Variants in TEX9 observed in about 807,000 individuals in gnomAD.
The protein encoded by TEX9 is testis expressed 9.
TEX9 carries 74 observed loss-of-function variants against 59.6 expected under a neutral mutation model. The ratio of observed to expected loss-of-function variants is 1.24; its 90% confidence interval spans 1.03 to 1.51. The LOEUF (loss-of-function observed/expected upper bound fraction) is 1.51. TEX9 is among the 40% of genes most tolerant of loss of function. The probability of loss-of-function intolerance (pLI) is 0.00; values close to 1 mark genes in which losing one functional copy is unlikely to be tolerated. For missense variants in TEX9, 522 were observed against 447.8 expected (o/e 1.17, Z -1.49); for synonymous variants, 186 against 152.2 (o/e 1.22, Z -1.64).
chr15:56,273,778 C>T (rs1485024301), intron 1 of TEX9, among the ~76,000 whole-genome samples: 1 of 152,114 alleles, frequency 6.6e-6, no homozygotes, highest in African/African-American at 2.4e-5. Flanking sequence ...TTGCATAATT[C>T]CTGATGAATA....
intron 9 of TEX9, among the ~76,000 whole-genome samples, chr15:56,401,148 A>T (rs758741364): frequency 6.6e-6 from 1 of 152,068 alleles, no homozygotes; most frequent in African/African-American, 2.4e-5. Flanking sequence ...CCTTAAATGT[A>T]AATAGGCTAA....
At chr15:56,381,955 C>T (rs1340740454) in intron 3 of TEX9, among the ~76,000 whole-genome samples, 1 of 152,210 alleles carries the variant, frequency 6.6e-6, no homozygotes, top group Non-Finnish European at 1.5e-5. Flanking sequence ...AGCGAGTTCC[C>T]CCAGGCCCTG....
chr15:56,395,185 A>C (rs563265402), intron 9 of TEX9: 128 of 252,324 alleles, frequency 5.1e-4, no homozygotes, highest in African/African-American at 2.8e-3. Flanking sequence ...ATGTCTCAAT[A>C]AATTTGTCTA....
chr15:56,388,605 A>AGG (rs1438227092), intron 5 of TEX9, 85 bp downstream of exon 5: 1 of 1,152,126 alleles, frequency 8.7e-7, no homozygotes, highest in Non-Finnish European at 1.3e-6. Context: ...AAAGCAGAGA[A>AGG]GGGGTATGAC....
intron 12 of TEX9, among the ~76,000 whole-genome samples, chr15:56,432,657 T>G (rs562990452): frequency 6.6e-6 from 1 of 152,298 alleles, no homozygotes; most frequent in Non-Finnish European, 1.5e-5. Flanking sequence ...TGATTTCCAT[T>G]TAGTTTTTAG....
At chr15:56,439,385 A>G (rs1471878551) in intron 12 of TEX9, among the ~76,000 whole-genome samples, 1 of 152,110 alleles carries the variant, frequency 6.6e-6, no homozygotes, top group East Asian at 1.9e-4. Flanking sequence ...CCAGCAAAAA[A>G]TATTTATAGA....
At chr15:56,382,761 T>G (rs2047788128) in intron 3 of TEX9, among the ~76,000 whole-genome samples, 1 of 152,168 alleles carries the variant, frequency 6.6e-6, no homozygotes, top group African/African-American at 2.4e-5. Context: ...AACATCCTCT[T>G]TACTTTTTGT....
chr15:56,297,574 G>C (rs975628040), intron 1 of TEX9, among the ~76,000 whole-genome samples: 2 of 152,104 alleles, frequency 1.3e-5, no homozygotes, highest in African/African-American at 4.8e-5. Context: ...GTGCGATCTT[G>C]GCTCACTGCA....
Position 56,373,632 on chromosome 15 carries a change from A to G in TEX9, c.183+128A>G, listed in dbSNP as rs758184108. On this transcript the variant is annotated intron_variant, in intron 3 of 12. Transcript: ENST00000352903. ...TGTTCAGTTCAATGAATTATTACAA[A>G]TTGAACATGAATATATATGCATAGG... 16 of 680,034 alleles carry G rather than the reference A, an allele frequency of 2.4e-5. No homozygotes were observed. In the South Asian group the frequency reaches 3.3e-4, roughly 14 times the overall value. 42.1% of individuals were successfully genotyped at this position (680,034 alleles called of 1,614,324 possible).
At chr15:56,266,192 T>A (rs2044378060) in intron 1 of TEX9, among the ~76,000 whole-genome samples, 1 of 151,916 alleles carries the variant, frequency 6.6e-6, no homozygotes, top group Admixed American at 6.6e-5. Context: ...AGTGGTGCAG[T>A]CTTGGCTTAC....
intron 4 of TEX9, among the ~76,000 whole-genome samples, chr15:56,385,170 G>T (rs1454851016): frequency 6.6e-6 from 1 of 152,084 alleles, no homozygotes; most frequent in Non-Finnish European, 1.5e-5. Context: ...CAGACATATG[G>T]TTTTATTTTT....
At chr15:56,396,510 T>C (rs931413873) in intron 9 of TEX9, 2 of 151,378 alleles carry the variant, frequency 1.3e-5, no homozygotes, top group Admixed American at 6.6e-5. Flanking sequence ...TCTTAAATTT[T>C]GGACTTTTCC....
At chr15:56,263,979 G>C (rs1244671720) in intron 1 of TEX9, among the ~76,000 whole-genome samples, 1 of 151,940 alleles carries the variant, frequency 6.6e-6, no homozygotes, top group Non-Finnish European at 1.5e-5. Context: ...TCCACTTTTT[G>C]GCAACTATGA....
rs549851373 is a variant in TEX9 at position 56,339,401 on chromosome 15, A to ACAAACAAAC, written c.-106-34040_-106-34039insCAAACAAAC. Among the ~76,000 whole-genome samples the ACAAACAAAC allele has an allele frequency of 4.8e-3, 600 of 124,230 alleles. 35 individuals are homozygous for ACAAACAAAC. The highest frequency in any genetic ancestry group is 7.3e-3 in the Non-Finnish European group (435 of 59,368). The allele number at this position is 124,230 out of a possible 152,430, so 81.5% of individuals were successfully genotyped here. A position where few individuals can be genotyped will look rare whatever the true frequency, so the allele number is the denominator to read the frequency against. On this transcript the variant is annotated intron_variant, in intron 1 of 5. Transcript: ENST00000560827. ...CCTTCTCCAAAAAAAAAAAAAAAAA[A>ACAAACAAAC]AAAAAAAAAAAAACAGGAGAATAAC...
At chr15:56,325,718 G>T (rs905657281) in intron 1 of TEX9, among the ~76,000 whole-genome samples, 9 of 151,998 alleles carry the variant, frequency 5.9e-5, no homozygotes, top group African/African-American at 2.2e-4. Flanking sequence ...ATGGACTCTC[G>T]TTCACATATA....
At chr15:56,421,997 G>A (rs1294587929) in intron 10 of TEX9, among the ~76,000 whole-genome samples, 1 of 149,884 alleles carries the variant, frequency 6.7e-6, no homozygotes, top group Non-Finnish European at 1.5e-5. Context: ...TGGGATGGCT[G>A]GGTCAAATGG....
intron 10 of TEX9, among the ~76,000 whole-genome samples, chr15:56,422,084 C>T (rs557818268): frequency 8.6e-6 from 1 of 116,730 alleles, no homozygotes; most frequent in Admixed American, 1.2e-4. Context: ...GTCCCACCAA[C>T]AGTGTAAAAG....
At chr15:56,291,417 T>TTATA (rs1201835259) in intron 1 of TEX9, among the ~76,000 whole-genome samples, 1 of 152,176 alleles carries the variant, frequency 6.6e-6, no homozygotes, top group Admixed American at 6.5e-5. Flanking sequence ...CCCCTATTTA[T>TTATA]TATATTTATT....
chr15:56,244,601 A>G (rs1411987494), intron 1 of TEX9, among the ~76,000 whole-genome samples: 1 of 37,204 alleles, frequency 2.7e-5, no homozygotes, highest in African/African-American at 1.1e-4. Context: ...CCCCCTTTCC[A>G]GGAATGCCCT....
Sources: allele counts gnomAD v4.1 joint callset (sites outside exome capture counted in the v4.1 genomes callset), GRCh38; gene constraint gnomAD v4.1.1; transcripts MANE v1.5; gene names NCBI Gene and HGNC (gene_info 2026-07-23, HGNC 2026-07-21).